Variants in TFEC observed in about 807,000 individuals in gnomAD.
The protein encoded by TFEC is class E basic helix-loop-helix protein 34.
TFEC carries 31 observed loss-of-function variants against 41.6 expected under a neutral mutation model. The observed-to-expected ratio is 0.74, with a 90% CI of 0.56 to 1.01. TFEC has a LOEUF of 1.01. TFEC is among the 50% of genes least tolerant of loss of function. TFEC has a pLI of 0.00. For synonymous variants in TFEC, 143 were observed against 140.6 expected (o/e 1.02, Z -0.12); for missense variants, 402 against 404.1 (o/e 0.99, Z 0.04).
At chr7:116,007,001 G>A (rs747445240) in intron 1 of TFEC, among the ~76,000 whole-genome samples, 5 of 152,158 alleles carry the variant, frequency 3.3e-5, no homozygotes, top group Middle Eastern at 3.2e-3. Context: ...CCAGCCATGC[G>A]GAACTGTAAG....
chr7:116,024,577 T>C (rs1795518430), intron 1 of TFEC, among the ~76,000 whole-genome samples: 1 of 152,142 alleles, frequency 6.6e-6, no homozygotes, highest in South Asian at 2.1e-4. Flanking sequence ...CGTTAGTACA[T>C]AAGGAGAGCC....
At chr7:115,946,301 A>G (rs1363386437) in intron 6 of TFEC, among the ~76,000 whole-genome samples, 1 of 151,088 alleles carries the variant, frequency 6.6e-6, no homozygotes, top group Non-Finnish European at 1.5e-5. Context: ...AAGGACAAAT[A>G]TTGCATTCCC....
At chr7:115,957,597 A>T (rs1205088930) in intron 3 of TFEC, among the ~76,000 whole-genome samples, 2 of 151,860 alleles carry the variant, frequency 1.3e-5, no homozygotes, top group Admixed American at 1.3e-4. Context: ...TTTCAGGTTA[A>T]TACTCATTAT....
At chr7:116,110,674 G>GA in intron 3 of TFEC, 1 of 1,262,052 alleles carries the variant, frequency 7.9e-7, no homozygotes, top group Non-Finnish European at 1.0e-6. Context: ...TACTTACTTA[G>GA]AAATTACGGC....
chr7:116,041,232 C>T lies in TFEC; in HGVS notation c.199-56719G>A, dbSNP rs755594194. 2.6e-5 allele frequency among the ~76,000 whole-genome samples: 4 copies of T among 151,440 alleles called. No individual in the cohort carries two copies. In the South Asian group the frequency reaches 6.2e-4, roughly 24 times the overall value. On this transcript the variant is annotated intron_variant, in intron 3 of 8. Transcript: ENST00000484212. ...TTTATATGTATTGCATTTCCCATAT[C>T]GTTTCCTTTTGTTTTGCTGATAACA...
intron 3 of TFEC, among the ~76,000 whole-genome samples, chr7:116,043,740 G>T (rs186831176): frequency 6.6e-6 from 1 of 152,238 alleles, no homozygotes; most frequent in East Asian, 1.9e-4. Context: ...ACCACCTGAT[G>T]CACTCCTACC....
At chr7:115,943,981 A>G (rs1293358537) in intron 6 of TFEC, among the ~76,000 whole-genome samples, 1 of 143,898 alleles carries the variant, frequency 6.9e-6, no homozygotes, top group East Asian at 2.0e-4. Context: ...AAGATTTTAA[A>G]AAGAAAGAAA....
In TFEC at chr7:115,950,824, T is replaced by TG. The variant is rs1453831508; in HGVS notation, c.515+49dup. 6 of 1,408,380 alleles carry TG rather than the reference T, an allele frequency of 4.3e-6. No homozygotes were observed. The African/African-American group carries it at 7.2e-5, about 17-fold the overall frequency. 87.2% of individuals were successfully genotyped at this position (1,408,380 alleles called of 1,614,324 possible). A position where few individuals can be genotyped will look rare whatever the true frequency, so the allele number is the denominator to read the frequency against. On this transcript the variant is annotated intron_variant, in intron 6 of 7. Transcript: ENST00000265440. ...CTCCCTTCTTCCCTCCCATTCATTT[T>TG]GGGGGTCTTTAAATTATAACATTAT... is the stretch of plus-strand genomic sequence containing the variant.
At chr7:116,053,577 T>C (rs1295045008) in intron 3 of TFEC, among the ~76,000 whole-genome samples, 3 of 152,220 alleles carry the variant, frequency 2.0e-5, no homozygotes, top group African/African-American at 7.2e-5. Context: ...CTTGGATTAA[T>C]GGGTCAATAG....
chr7:116,073,054 CTGTT>C (rs1350517018), intron 3 of TFEC, among the ~76,000 whole-genome samples: 1 of 151,418 alleles, frequency 6.6e-6, no homozygotes, highest in Non-Finnish European at 1.5e-5. Context: ...TATACTATCT[CTGTT>C]TGTAGATGGC....
intron 3 of TFEC, among the ~76,000 whole-genome samples, chr7:115,970,614 T>C (rs1304769797): frequency 6.6e-6 from 1 of 152,044 alleles, no homozygotes; most frequent in Non-Finnish European, 1.5e-5. Context: ...CATATATTCA[T>C]GATCTAGAAG....
intron 1 of TFEC, among the ~76,000 whole-genome samples, chr7:116,123,985 A>G (rs978232304): frequency 2.0e-5 from 3 of 152,178 alleles, no homozygotes; most frequent in African/African-American, 7.2e-5. Flanking sequence ...AATTCCTGCA[A>G]TTAAAGGACT....
chr7:116,089,851 C>A (rs1174892501), intron 3 of TFEC, among the ~76,000 whole-genome samples: 2 of 152,078 alleles, frequency 1.3e-5, no homozygotes, highest in Non-Finnish European at 2.9e-5. Context: ...GGTTTTGAAA[C>A]AAAGAAGTCA....
intron 3 of TFEC, among the ~76,000 whole-genome samples, chr7:115,957,652 A>T (rs1792307283): frequency 1.3e-5 from 2 of 151,922 alleles, no homozygotes; most frequent in Non-Finnish European, 2.9e-5. Context: ...AAATTTTAAG[A>T]TATTTCCATT....
At chr7:115,987,989 T>C (rs1265218033) in intron 1 of TFEC, among the ~76,000 whole-genome samples, 1 of 152,202 alleles carries the variant, frequency 6.6e-6, no homozygotes, top group Admixed American at 6.5e-5. Context: ...TTTTGGTTTT[T>C]AAAACAATAA....
chr7:115,997,817 G>T (rs757610439), intron 1 of TFEC, among the ~76,000 whole-genome samples: 1 of 152,024 alleles, frequency 6.6e-6, no homozygotes, highest in East Asian at 1.9e-4. Context: ...GCTGAAGAAC[G>T]CATCAGAGTC....
At position 116,086,401 on chromosome 7, in the gene TFEC, T is replaced by C. The variant is rs562511704; in HGVS notation, c.198+24307A>G. ...ACTCCAAATAACCATTCAATTGTTC[T>C]TATCCTCATTATCAACTGTGCAATT... is the stretch of plus-strand genomic sequence containing the variant. On this transcript the variant is annotated intron_variant, in intron 3 of 8. Transcript: ENST00000484212. Among the ~76,000 whole-genome samples the C allele has an allele frequency of 6.4e-4, 98 of 152,058 alleles. 1 individual carries two copies. The highest frequency in any genetic ancestry group is 6.8e-3 in the Middle Eastern group (2 of 294).
At chr7:115,968,408 T>C in intron 3 of TFEC, 1 of 985,984 alleles carries the variant, frequency 1.0e-6, no homozygotes, top group South Asian at 2.8e-5. Flanking sequence ...CCTTTCAAGT[T>C]CCAACCAAGC....
Position 115,993,395 on chromosome 7 carries a change from T to C in TFEC, c.-72-8882A>G, listed in dbSNP as rs1285317883. On this transcript the variant is annotated intron_variant, in intron 1 of 7. Transcript: ENST00000265440. ...GAGAAAGAAATAAAGGGTATTCAAT[T>C]AGGAAAAGAGGAAGTCAAATTGTCC... Among the ~76,000 whole-genome samples, 3 of 152,100 alleles carry C rather than the reference T, an allele frequency of 2.0e-5. No individual in the cohort carries two copies. In the East Asian group the frequency reaches 5.8e-4, roughly 29 times the overall value.
Sources: gnomAD v4.1 joint callset for allele counts (sites outside exome capture counted in the v4.1 genomes callset) on GRCh38, gnomAD v4.1.1 for gene constraint, MANE v1.5 for transcripts, NCBI Gene and HGNC (gene_info 2026-07-23, HGNC 2026-07-21) for gene names.